POLR3C: variants seen among roughly 807,000 people sequenced by gnomAD.
POLR3C encodes DNA-directed RNA polymerase III subunit RPC3.
A neutral mutation model predicts 65.9 loss-of-function variants in POLR3C; 44 were observed. The observed-to-expected ratio is 0.67, with a 90% CI of 0.52 to 0.86. The LOEUF is 0.86. POLR3C is among the 40% of genes least tolerant of loss of function. The pLI is 0.00. For missense variants in POLR3C, 576 were observed against 653.2 expected (o/e 0.88, Z 1.29); for synonymous variants, 263 against 231.6 (o/e 1.14, Z -1.23).
Position 145,835,144 on chromosome 1 carries a change from CAAAAAAAAAAAAA to C in POLR3C, c.877-1340_877-1328del, listed in dbSNP as rs56819606. On this transcript the variant is annotated intron_variant, in intron 7 of 14. Transcript: ENST00000334163. ...TAAACAACAGAGCAAAACCCTATTT[CAAAAAAAAAAAAA>C]AAAAAAAAAGGCCGGACGCAGCAGC... is the stretch of plus-strand genomic sequence containing the variant. Among the ~76,000 whole-genome samples, 6 of 47,320 alleles carry C rather than the reference CAAAAAAAAAAAAA, an allele frequency of 1.3e-4. No individual in the cohort carries two copies. In the East Asian group the frequency reaches 3.2e-3, roughly 25 times the overall value. 31.0% of individuals were successfully genotyped at this position (47,320 alleles called of 152,430 possible). A position where few individuals can be genotyped will look rare whatever the true frequency, so the allele number is the denominator to read the frequency against.
At chr1:145,834,887 C>A (rs1651672956) in intron 7 of POLR3C, among the ~76,000 whole-genome samples, 1 of 151,858 alleles carries the variant, frequency 6.6e-6, no homozygotes, top group Admixed American at 6.6e-5. Flanking sequence ...CACTTGTAAT[C>A]CTAGAACTTT....
chr1:145,837,569 C>CCA lies in POLR3C; in HGVS notation c.1045_1046dup (p.Glu351TrpfsTer19). ...AAGGCATTAGCATCCCTAGCCACAG[C>CCA]CACTCTGGAGTCCGTCGTACAGGAG... is the stretch of plus-strand genomic sequence containing the variant. On this transcript the variant is annotated frameshift_variant, in exon 10 of 15. Transcript: ENST00000334163. LOFTEE classifies it high-confidence loss of function. The CCA allele has an allele frequency of 6.2e-7, 1 of 1,607,480 alleles. No homozygotes were observed. The highest frequency in any genetic ancestry group is 2.2e-5 in the East Asian group (1 of 44,754).
chr1:145,827,546 T>G (rs1236216041), intron 4 of POLR3C, among the ~76,000 whole-genome samples: 1 of 150,594 alleles, frequency 6.6e-6, no homozygotes, highest in Non-Finnish European at 1.5e-5. Flanking sequence ...GATCACGAGG[T>G]CAGGAGATCG....
intron 5 of POLR3C, among the ~76,000 whole-genome samples, chr1:145,832,961 G>A (rs183088730): frequency 1.3e-5 from 2 of 152,170 alleles, no homozygotes; most frequent in Non-Finnish European, 2.9e-5. Context: ...GGCAGAGGTT[G>A]CAGTGAGCCG....
rs369577075 is a variant in POLR3C at position 145,841,696 on chromosome 1, A to G, written c.1523+625A>G. Among the ~76,000 whole-genome samples the G allele has an allele frequency of 3.2e-4, 48 of 152,186 alleles. 1 individual carries two copies. Among genetic ancestry groups the G allele is most frequent in the African/African-American group, 1.1e-3 (46 of 41,532 alleles). On this transcript the variant is annotated intron_variant, in intron 14 of 14. Coordinates refer to ENST00000334163, the MANE Select transcript of POLR3C (RefSeq NM_006468.8). Reference sequence around the variant, plus strand: ...TTTACTAAATTCATTTATTAATTCTAGTAGTTTTTTTGCAGATTCTTTGAG... The same window carrying G: ...TTTACTAAATTCATTTATTAATTCTGGTAGTTTTTTTGCAGATTCTTTGAG...
chr1:145,827,779 A>AAAAT (rs1491254351), intron 4 of POLR3C, among the ~76,000 whole-genome samples: 2 of 143,066 alleles, frequency 1.4e-5, no homozygotes, highest in African/African-American at 5.5e-5. Flanking sequence ...AAAAAAAAAA[A>AAAAT]TAGCCAGGTA....
rs1290826583 is a variant in POLR3C at position 145,844,382 on chromosome 1, TAAACC to T, written c.*1965_*1969del. On this transcript the variant is annotated 3_prime_UTR_variant, in exon 15 of 15. Coordinates refer to ENST00000334163, the MANE Select transcript of POLR3C (RefSeq NM_006468.8). ...TTGGAGGTCATTATGTTAAGTAAAA[TAAACC>T]AAGCACAGAAACAAATATTGCATGT... 6.6e-6 allele frequency among the ~76,000 whole-genome samples: 1 copy of T among 152,126 alleles called. No homozygotes were observed. Among genetic ancestry groups the T allele is most frequent in the Non-Finnish European group, 1.5e-5 (1 of 68,022 alleles).
intron 11 of POLR3C, among the ~76,000 whole-genome samples, chr1:145,839,314 T>G (rs1652105072): frequency 6.6e-6 from 1 of 151,986 alleles, no homozygotes. Context: ...CAAATAGAAT[T>G]TACCTGGCAC....
At chr1:145,828,712 G>C (rs587762013) in intron 4 of POLR3C, 37 bp from the exon 5 acceptor site, 1 of 1,324,602 alleles carries the variant, frequency 7.5e-7, no homozygotes, top group South Asian at 1.2e-5. Context: ...GTCATCATAT[G>C]AGATATAGTC....
In POLR3C at chr1:145,827,011, G is replaced by A. The variant is rs1650814890; in HGVS notation, c.589+6G>A. On this transcript the variant is annotated splice_donor_region_variant and intron_variant, in intron 4 of 14. Transcript: ENST00000334163. ...TCCTAAACTCAGCTTGATAGGTAAG[G>A]AATTTTAACCCCTGGAACTGTGACT... The A allele has an allele frequency of 1.3e-6, 2 of 1,599,322 alleles. No homozygotes were observed. Among genetic ancestry groups the A allele is most frequent in the Admixed American group, 1.7e-5 (1 of 57,190 alleles).
At chr1:145,840,774 A>G (rs1306680873) in intron 13 of POLR3C, 148 bp from the exon 14 acceptor site, 9 of 538,636 alleles carry the variant, frequency 1.7e-5, no homozygotes, top group Non-Finnish European at 2.9e-5. Flanking sequence ...ATATTTCCAA[A>G]TAAGTTTGTA....
At chr1:145,837,705 C>T in intron 10 of POLR3C, 109 bp downstream of exon 10, 3 of 801,424 alleles carry the variant, frequency 3.7e-6, no homozygotes, top group Non-Finnish European at 6.6e-6. Context: ...ATACTTTTCC[C>T]CATTTTTTCA....
At position 145,824,340 on chromosome 1, in the gene POLR3C, T is replaced by G; in HGVS notation, c.-50T>G. On this transcript the variant is annotated 5_prime_UTR_variant, in exon 1 of 15. Coordinates refer to ENST00000334163, the MANE Select transcript of POLR3C (RefSeq NM_006468.8). ...CGCGGGAAGCTCAGCCGAATTGGAG[T>G]TGGAGCCCCCGGATTGCGCTGACCC... 3.2e-6 allele frequency: 1 copy of G among 315,678 alleles called. No homozygotes were observed. The highest frequency in any genetic ancestry group is 4.3e-5 in the Admixed American group (1 of 23,084). The allele number at this position is 315,678 out of a possible 1,614,324, so 19.6% of individuals were successfully genotyped here. A position where few individuals can be genotyped will look rare whatever the true frequency, so the allele number is the denominator to read the frequency against.
rs781956247 is a variant in POLR3C, at chr1:145,833,273, A to G, written c.692A>G (p.Asp231Gly). ...TCTTTTCCTCAGCCCATTCCAGATGATGGGATTTATTGGCAGGCCAACCTT... is the reference window on the plus strand; with the variant it reads ...TCTTTTCCTCAGCCCATTCCAGATGGTGGGATTTATTGGCAGGCCAACCTT... ...TTDNKEPIPD[D>G]GIYWQANLDR... Residue 231 changes from aspartate (D) to glycine (G), a missense_variant, in exon 6 of 15, where the codon GAT becomes GGT. By Grantham distance (94) the Asp-to-Gly change is moderately conservative. Transcript: ENST00000334163. 4.4e-6 allele frequency: 7 copies of G among 1,608,040 alleles called. No individual in the cohort carries two copies. Among genetic ancestry groups the G allele is most frequent in the South Asian group, 1.1e-5 (1 of 90,818 alleles).
Position 145,824,212 on chromosome 1 carries a change from G to A in POLR3C, c.-178G>A, listed in dbSNP as rs149833898. On this transcript the variant is annotated 5_prime_UTR_variant, in exon 1 of 15. Transcript: ENST00000334163. Reference sequence around the variant, plus strand: ...GAAACTCTGGGGTAGAGTGGCACGCGCTTTTTGCTTTTCCGCGTCTTCTTC... The same window carrying A: ...GAAACTCTGGGGTAGAGTGGCACGCACTTTTTGCTTTTCCGCGTCTTCTTC... 6.8e-4 allele frequency: 205 copies of A among 301,692 alleles called. No homozygotes were observed. Among genetic ancestry groups the A allele is most frequent in the African/African-American group, 4.5e-3 (200 of 44,632 alleles). 18.7% of individuals were successfully genotyped at this position (301,692 alleles called of 1,614,324 possible). A position where few individuals can be genotyped will look rare whatever the true frequency, so the allele number is the denominator to read the frequency against.
At chr1:145,841,488 A>G (rs1652290938) in intron 14 of POLR3C, among the ~76,000 whole-genome samples, 1 of 152,188 alleles carries the variant, frequency 6.6e-6, no homozygotes, top group Admixed American at 6.5e-5. Flanking sequence ...GCAGGCCTTC[A>G]TCACCTCTTT....
chr1:145,831,302 G>A (rs1385393174), intron 5 of POLR3C, among the ~76,000 whole-genome samples: 1 of 151,768 alleles, frequency 6.6e-6, no homozygotes, highest in Admixed American at 6.6e-5. Flanking sequence ...ATCACCTGAG[G>A]TCAGGAGTTC....
chr1:145,840,537 C>A, intron 13 of POLR3C: 1 of 251,132 alleles, frequency 4.0e-6, no homozygotes, highest in Non-Finnish European at 7.7e-6. Flanking sequence ...GAGACTCCAT[C>A]TCAAAAAAAA....
At chr1:145,831,530 A>G (rs113533115) in intron 5 of POLR3C, among the ~76,000 whole-genome samples, 1,567 of 151,406 alleles carry the variant, frequency 0.01, 33 homozygotes, top group African/African-American at 0.036. Flanking sequence ...AAAAAAAAAA[A>G]AGAGAGAGTT....
Sources: allele counts gnomAD v4.1 joint callset (sites outside exome capture counted in the v4.1 genomes callset), GRCh38; gene constraint gnomAD v4.1.1; transcripts MANE v1.5; gene names NCBI Gene and HGNC (gene_info 2026-07-23, HGNC 2026-07-21).